FCHSD2: variants seen among roughly 807,000 people sequenced by gnomAD.
FCHSD2 encodes FCH and double SH3 domains 2.
FCHSD2 carries 38 observed loss-of-function variants against 108.1 expected under a neutral mutation model. The ratio of observed to expected loss-of-function variants is 0.35; its 90% CI spans 0.27 to 0.46. The LOEUF is 0.46. FCHSD2 is among the 20% of genes least tolerant of loss of function. The probability of loss-of-function intolerance (pLI) is 1.00; values close to 1 mark genes in which losing one functional copy is unlikely to be tolerated. For missense variants in FCHSD2, 751 were observed against 897.8 expected (o/e 0.84, Z 2.09); for synonymous variants, 279 against 314.7 (o/e 0.89, Z 1.20).
chr11:72,970,832 A>G (rs1856993806), intron 8 of FCHSD2, among the ~76,000 whole-genome samples: 1 of 152,038 alleles, frequency 6.6e-6, no homozygotes, highest in Admixed American at 6.6e-5. Flanking sequence ...GACAAAACAT[A>G]CCCCTAACCC....
At chr11:73,059,265 T>C (rs766534820) in intron 3 of FCHSD2, among the ~76,000 whole-genome samples, 1 of 152,114 alleles carries the variant, frequency 6.6e-6, no homozygotes, top group Non-Finnish European at 1.5e-5. Context: ...CTACGGTTTA[T>C]TTACCCTCCG....
intron 13 of FCHSD2, among the ~76,000 whole-genome samples, chr11:72,860,066 A>G (rs1226077157): frequency 6.6e-6 from 1 of 152,188 alleles, no homozygotes; most frequent in African/African-American, 2.4e-5. Flanking sequence ...AGGAGGGTCC[A>G]ACCTAGATCC....
chr11:73,063,556 A>C (rs1032902146), intron 3 of FCHSD2, among the ~76,000 whole-genome samples: 4 of 152,190 alleles, frequency 2.6e-5, no homozygotes, highest in African/African-American at 9.7e-5. Context: ...CTCATGTGCA[A>C]AGACACACAT....
intron 8 of FCHSD2, among the ~76,000 whole-genome samples, chr11:72,955,539 G>A (rs1856696689): frequency 2.0e-5 from 3 of 152,128 alleles, no homozygotes; most frequent in Admixed American, 1.3e-4. Context: ...GGGTGGGGTG[G>A]AGCTAAAAGT....
chr11:73,034,026 A>G (rs1858429344), intron 3 of FCHSD2, among the ~76,000 whole-genome samples: 2 of 152,310 alleles, frequency 1.3e-5, no homozygotes, highest in South Asian at 4.1e-4. Flanking sequence ...TAGCAAATAT[A>G]TCATCTTTTT....
At chr11:72,890,010 T>C (rs1240942757) in intron 10 of FCHSD2, 65 bp from the exon 11 acceptor site, 3 of 984,922 alleles carry the variant, frequency 3.0e-6, no homozygotes, top group East Asian at 2.5e-5. Flanking sequence ...TACTGCTTTG[T>C]AGATGGATCA....
chr11:72,994,582 G>A lies in FCHSD2; in HGVS notation c.388-5485C>T, dbSNP rs570938375. On this transcript the variant is annotated intron_variant, in intron 5 of 19. Coordinates refer to ENST00000409418, the MANE Select transcript of FCHSD2 (RefSeq NM_014824.3). ...GTTTTAAGATATAGTGTAAACTCAC[G>A]GTGAAACCCCGTCTCTACTAAAAAT... Among the ~76,000 whole-genome samples, 4 of 152,110 alleles carry A rather than the reference G, an allele frequency of 2.6e-5. No homozygotes were observed. In the East Asian group the frequency reaches 5.8e-4, roughly 22 times the overall value.
chr11:73,023,135 G>C (rs77193680), intron 3 of FCHSD2, among the ~76,000 whole-genome samples: 2,050 of 152,156 alleles, frequency 0.013, 49 homozygotes, highest in African/African-American at 0.045. Context: ...TTGACCTTTG[G>C]TGAAAAGTTT....
At chr11:73,076,701 T>A (rs570480630) in intron 3 of FCHSD2, among the ~76,000 whole-genome samples, 14 of 152,364 alleles carry the variant, frequency 9.2e-5, no homozygotes, top group Non-Finnish European at 1.9e-4. Flanking sequence ...AAATTAAAAG[T>A]ATACATAAAA....
intron 3 of FCHSD2, among the ~76,000 whole-genome samples, chr11:73,076,649 T>C (rs1024456998): frequency 6.6e-6 from 1 of 152,244 alleles, no homozygotes; most frequent in Non-Finnish European, 1.5e-5. Context: ...CTAAAAATCA[T>C]TTAATTACAT....
At chr11:73,098,943 G>A (rs1255217222) in intron 2 of FCHSD2, among the ~76,000 whole-genome samples, 2 of 152,210 alleles carry the variant, frequency 1.3e-5, no homozygotes, top group African/African-American at 2.4e-5. Flanking sequence ...CCAGGTGCCA[G>A]TGGCTCATCC....
At chr11:72,887,627 C>A in intron 11 of FCHSD2, 53 bp from the exon 12 acceptor site, 3 of 1,124,040 alleles carry the variant, frequency 2.7e-6, no homozygotes, top group South Asian at 3.1e-5. Context: ...TTTCATCTTC[C>A]TTAAGTGATT....
intron 2 of FCHSD2, among the ~76,000 whole-genome samples, chr11:73,112,361 A>G (rs980171076): frequency 8.5e-5 from 13 of 152,144 alleles, no homozygotes; most frequent in Admixed American, 8.5e-4. Context: ...GCTGCTGGAC[A>G]TATTGGAGCT....
intron 3 of FCHSD2, among the ~76,000 whole-genome samples, chr11:73,036,128 A>G (rs936339818): frequency 2.0e-5 from 3 of 152,202 alleles, no homozygotes; most frequent in Non-Finnish European, 4.4e-5. Context: ...GACAGGGCTC[A>G]AAGTGAACCA....
At chr11:72,932,586 ACT>A (rs1485073551) in intron 8 of FCHSD2, among the ~76,000 whole-genome samples, 1 of 151,538 alleles carries the variant, frequency 6.6e-6, no homozygotes, top group African/African-American at 2.4e-5. Context: ...TGCCTTGACT[ACT>A]CTCTGCTTTC....
intron 3 of FCHSD2, among the ~76,000 whole-genome samples, chr11:73,060,100 C>T (rs1359809442): frequency 6.6e-6 from 1 of 152,170 alleles, no homozygotes; most frequent in Non-Finnish European, 1.5e-5. Context: ...CCTCTAGAAG[C>T]CTAGCCTTAA....
intron 9 of FCHSD2, among the ~76,000 whole-genome samples, chr11:72,915,161 T>A (rs905290445): frequency 6.6e-6 from 1 of 151,698 alleles, no homozygotes; most frequent in African/African-American, 2.4e-5. Flanking sequence ...ACATCACTGA[T>A]CATTACAGAA....
chr11:73,044,747 A>ATTC lies in FCHSD2; in HGVS notation c.166-28865_166-28863dup, dbSNP rs529322293. On this transcript the variant is annotated intron_variant, in intron 3 of 19. Transcript: ENST00000409418. ...CACATAGTACATGCAATAATTTAACATTCTAGCATGTTATATAAAAATCAT... is the reference window on the plus strand; with the variant it reads ...CACATAGTACATGCAATAATTTAACATTCTTCTAGCATGTTATATAAAAATCAT... Among the ~76,000 whole-genome samples the ATTC allele has an allele frequency of 1.4e-4, 21 of 152,330 alleles. No homozygotes were observed. The East Asian group carries it at 2.3e-3, about 17-fold the overall frequency.
At chr11:73,058,597 CT>C (rs765288070) in intron 3 of FCHSD2, among the ~76,000 whole-genome samples, 676 of 137,266 alleles carry the variant, frequency 4.9e-3, no homozygotes, top group African/African-American at 5.5e-3. Context: ...TTTCATTTTC[CT>C]TTTTTTTTTT....
Sources: gnomAD v4.1 joint callset for allele counts (sites outside exome capture counted in the v4.1 genomes callset) on GRCh38, gnomAD v4.1.1 for gene constraint, MANE v1.5 for transcripts, NCBI Gene and HGNC (gene_info 2026-07-23, HGNC 2026-07-21) for gene names.